Variants in MAP3K13 observed in about 807,000 individuals in gnomAD.
MAP3K13 encodes mitogen-activated protein kinase kinase kinase 13.
MAP3K13 carries 52 observed loss-of-function variants against 104.0 expected under a neutral mutation model. That is an observed-to-expected ratio of 0.50 (90% CI 0.40 to 0.63). MAP3K13 has a LOEUF of 0.63. Ranked by LOEUF, MAP3K13 falls within the 20% of genes least tolerant of loss-of-function variation. The pLI is 0.00. For missense variants in MAP3K13, 914 were observed against 1,218.5 expected (o/e 0.75, Z 3.72); for synonymous variants, 394 against 442.2 (o/e 0.89, Z 1.37).
intron 2 of MAP3K13, among the ~76,000 whole-genome samples, chr3:185,342,100 A>G (rs1480454594): frequency 6.6e-6 from 1 of 152,166 alleles, no homozygotes; most frequent in African/African-American, 2.4e-5. Flanking sequence ...GCAAACAGCC[A>G]TGTGAGTGAA....
intron 1 of MAP3K13, among the ~76,000 whole-genome samples, chr3:185,427,949 C>T (rs1271070639): frequency 6.6e-6 from 1 of 152,006 alleles, no homozygotes; most frequent in East Asian, 1.9e-4. Flanking sequence ...TGTGATGATG[C>T]ATGCCTATAA....
intron 2 of MAP3K13, among the ~76,000 whole-genome samples, chr3:185,430,195 C>CA (rs201019353): frequency 0.011 from 1,501 of 134,890 alleles, 21 homozygotes; most frequent in African/African-American, 0.035. Flanking sequence ...AACTCTGCCT[C>CA]AAAAAAAAAA....
chr3:185,398,546 AC>A (rs1205827163), intron 1 of MAP3K13, among the ~76,000 whole-genome samples: 1 of 152,166 alleles, frequency 6.6e-6, no homozygotes, highest in Non-Finnish European at 1.5e-5. Flanking sequence ...ACTAGGTTAG[AC>A]TTGAGTTCTG....
At chr3:185,341,931 T>C (rs1722737042) in intron 2 of MAP3K13, among the ~76,000 whole-genome samples, 1 of 152,234 alleles carries the variant, frequency 6.6e-6, no homozygotes, top group African/African-American at 2.4e-5. Context: ...TCTAGCACTT[T>C]AAGAAAAAGT....
intron 2 of MAP3K13, chr3:185,292,504 C>A: frequency 3.8e-6 from 1 of 263,912 alleles, no homozygotes; most frequent in Non-Finnish European, 5.9e-6. Flanking sequence ...TGAACCTTAA[C>A]TTCGTCATCT....
chr3:185,388,556 A>C (rs1711840721), intron 1 of MAP3K13, among the ~76,000 whole-genome samples: 1 of 152,142 alleles, frequency 6.6e-6, no homozygotes, highest in Admixed American at 6.5e-5. Context: ...ATGGACAGCT[A>C]TCACATGCTC....
In MAP3K13 at chr3:185,450,959, G is replaced by C; in HGVS notation, c.1170-328G>C. On this transcript the variant is annotated intron_variant, in intron 6 of 13. Transcript: ENST00000265026. This position sits in a 1 kb window ranked among gnomAD's most constrained non-coding sequence, Gnocchi z 4.2. ...AAAAAAATTAGCCAGGTCTGGTGGC[G>C]GGTGCCTGTAGTCCCAGCTACTCAG... Among the ~76,000 whole-genome samples, 1 of 152,232 alleles carries C rather than the reference G, an allele frequency of 6.6e-6. No homozygotes were observed. Among genetic ancestry groups the C allele is most frequent in the South Asian group, 2.1e-4 (1 of 4,814 alleles).
chr3:185,456,968 T>C (rs1413047847), intron 7 of MAP3K13, among the ~76,000 whole-genome samples: 1 of 152,170 alleles, frequency 6.6e-6, no homozygotes, highest in Admixed American at 6.5e-5. Flanking sequence ...GATGATGGTA[T>C]TAAGTCACAA....
chr3:185,349,332 T>C (rs1480502384), intron 2 of MAP3K13, among the ~76,000 whole-genome samples: 2 of 152,130 alleles, frequency 1.3e-5, no homozygotes, highest in Admixed American at 1.3e-4. Flanking sequence ...GTGTCCCCAT[T>C]GTTTAGCTCT....
chr3:185,346,481 A>G (rs1402571093), intron 2 of MAP3K13, among the ~76,000 whole-genome samples: 1 of 152,090 alleles, frequency 6.6e-6, no homozygotes, highest in Admixed American at 6.6e-5. Flanking sequence ...GTTCCTATAC[A>G]TTTTAGTATA....
At chr3:185,462,682 A>G (rs1717178045) in intron 7 of MAP3K13, among the ~76,000 whole-genome samples, 1 of 152,218 alleles carries the variant, frequency 6.6e-6, no homozygotes, top group Non-Finnish European at 1.5e-5. Flanking sequence ...CTGAGGCAGG[A>G]GGATCACTTG....
At chr3:185,403,989 G>A (rs888015233) in intron 1 of MAP3K13, among the ~76,000 whole-genome samples, 3 of 152,136 alleles carry the variant, frequency 2.0e-5, no homozygotes, top group African/African-American at 4.8e-5. Context: ...AAAGAACAAG[G>A]ACATCAGATA....
intron 2 of MAP3K13, among the ~76,000 whole-genome samples, chr3:185,328,358 A>G (rs149893949): frequency 6.6e-6 from 1 of 152,250 alleles, no homozygotes; most frequent in African/African-American, 2.4e-5. Context: ...AGTTTCAAAA[A>G]GGAGCCTCAG....
At chr3:185,437,349 T>A in intron 2 of MAP3K13, 98 bp from the exon 3 acceptor site, 1 of 1,025,154 alleles carries the variant, frequency 9.8e-7, no homozygotes. Context: ...AGGGTAAGGG[T>A]CATCCTGGGT....
intron 2 of MAP3K13, among the ~76,000 whole-genome samples, chr3:185,304,458 A>C (rs1387467251): frequency 6.6e-6 from 1 of 152,124 alleles, no homozygotes; most frequent in Non-Finnish European, 1.5e-5. Flanking sequence ...TTTTTCTTTC[A>C]GTCTGTCAAT....
chr3:185,414,146 C>G (rs1713607958), intron 1 of MAP3K13, among the ~76,000 whole-genome samples: 1 of 152,128 alleles, frequency 6.6e-6, no homozygotes, highest in African/African-American at 2.4e-5. Context: ...ATCTGTGCCC[C>G]AATTTTTCAC....
At chr3:185,311,010 C>T (rs1425641754) in intron 2 of MAP3K13, among the ~76,000 whole-genome samples, 3 of 152,202 alleles carry the variant, frequency 2.0e-5, no homozygotes, top group African/African-American at 4.8e-5. Context: ...TCAGAAGTCA[C>T]TTTGAATTAA....
At chr3:185,365,231 A>T (rs537923122) in intron 1 of MAP3K13, among the ~76,000 whole-genome samples, 8 of 152,330 alleles carry the variant, frequency 5.3e-5, no homozygotes, top group African/African-American at 1.9e-4. Context: ...TGTATAGTGT[A>T]CTTGTAGGGA....
chr3:185,447,659 C>T (rs994347942), intron 4 of MAP3K13, 130 bp from the exon 5 acceptor site: 16 of 661,902 alleles, frequency 2.4e-5, no homozygotes, highest in African/African-American at 1.8e-4. Flanking sequence ...GCCCCAGTGA[C>T]ATTGGAAACT....
Sources: allele counts gnomAD v4.1 joint callset (sites outside exome capture counted in the v4.1 genomes callset), GRCh38; gene constraint gnomAD v4.1.1; non-coding constraint Gnocchi (gnomAD v3.1); transcripts MANE v1.5; gene names NCBI Gene and HGNC (gene_info 2026-07-23, HGNC 2026-07-21).